FAIM2: variants seen among roughly 807,000 people sequenced by gnomAD.
FAIM2 encodes Fas apoptotic inhibitory molecule 2, also known as protein lifeguard 2.
A neutral mutation model predicts 47.4 loss-of-function variants in FAIM2; 27 were observed. That is an observed-to-expected ratio of 0.57 (90% CI 0.42 to 0.78). The LOEUF (loss-of-function observed/expected upper bound fraction) is 0.78, where lower values mean the gene tolerates loss of function less well. Among genes scored for constraint, FAIM2 ranks in the 30% least tolerant of loss-of-function variants. The pLI is 0.00. For missense variants in FAIM2, 311 were observed against 389.4 expected, an observed-to-expected ratio of 0.80 and a Z score of 1.69; for synonymous variants, 156 against 159.3, an observed-to-expected ratio of 0.98 and a Z score of 0.16.
rs773690088 is a variant in FAIM2, at chr12:49,891,075, A to G, written c.474T>C (p.Cys158=). 1.2e-6 allele frequency: 2 copies of G among 1,614,162 alleles called. No individual in the cohort carries two copies. Among genetic ancestry groups the G allele is most frequent in the African/African-American group, 1.3e-5 (1 of 75,036 alleles). ...FFATYLTLAC[C]SGPRRHFPWN... ...AGCCATTAGCATACCTGGGTCCAGAACAGCAAGCCAGGGTCAGGTAGGTTG... is the reference window on the plus strand; with the variant it reads ...AGCCATTAGCATACCTGGGTCCAGAGCAGCAAGCCAGGGTCAGGTAGGTTG... Residue 158 remains cysteine, a synonymous_variant, in exon 6 of 12, where the codon TGT becomes TGC. Transcript: ENST00000320634.
At position 49,876,542 on chromosome 12, in the gene FAIM2, T is replaced by C. The variant is rs577504372; in HGVS notation, c.802-5889A>G. Among the ~76,000 whole-genome samples the C allele has an allele frequency of 1.5e-4, 22 of 151,602 alleles. No individual in the cohort carries two copies. In the East Asian group the frequency reaches 4.1e-3, roughly 28 times the overall value. Reference sequence around the variant, plus strand: ...ACTTTGGGAGGCCGAGGCGGGCGGATCACCATGTCAGGAGATCGAGACCAT... The same window carrying C: ...ACTTTGGGAGGCCGAGGCGGGCGGACCACCATGTCAGGAGATCGAGACCAT... On this transcript the variant is annotated intron_variant, in intron 11 of 11. Coordinates refer to ENST00000320634, the MANE Select transcript of FAIM2 (RefSeq NM_012306.4).
intron 1 of FAIM2, among the ~76,000 whole-genome samples, chr12:49,903,521 G>A (rs1946995536): frequency 6.6e-6 from 1 of 152,236 alleles, no homozygotes; most frequent in Non-Finnish European, 1.5e-5. Flanking sequence ...TATCTGTGAG[G>A]AGCCTTGTAA....
At chr12:49,888,616 G>A (rs1454228135) in intron 10 of FAIM2, among the ~76,000 whole-genome samples, 5 of 152,152 alleles carry the variant, frequency 3.3e-5, no homozygotes, top group African/African-American at 7.2e-5. Flanking sequence ...AGACTTGGCC[G>A]CCAGCTGGTG....
intron 11 of FAIM2, among the ~76,000 whole-genome samples, chr12:49,878,814 ATG>A (rs1479519659): frequency 3.0e-5 from 2 of 66,032 alleles, no homozygotes; most frequent in Non-Finnish European, 5.1e-5. Context: ...GTGCATGTGA[ATG>A]TGTGTATATG....
chr12:49,893,168 A>G (rs939863041), intron 5 of FAIM2, among the ~76,000 whole-genome samples: 6 of 152,074 alleles, frequency 3.9e-5, no homozygotes, highest in African/African-American at 1.4e-4. Context: ...TCCCTGTATA[A>G]AATTCCCAAA....
intron 11 of FAIM2, among the ~76,000 whole-genome samples, chr12:49,879,541 AGTGTATGG>A (rs1946785890): frequency 8.5e-6 from 1 of 118,326 alleles, no homozygotes; most frequent in South Asian, 2.6e-4. Flanking sequence ...TATATATGTG[AGTGTATGG>A]GTGTATGTGC....
chr12:49,896,769 C>T (rs1393925760), intron 5 of FAIM2, among the ~76,000 whole-genome samples: 1 of 152,212 alleles, frequency 6.6e-6, no homozygotes, highest in Non-Finnish European at 1.5e-5. Context: ...TAGCCCTGGC[C>T]CGACCCTTCC....
intron 1 of FAIM2, 71 bp downstream of exon 1, chr12:49,903,707 G>A: frequency 6.5e-7 from 1 of 1,539,224 alleles, no homozygotes; most frequent in Non-Finnish European, 8.8e-7. Flanking sequence ...GGTCCAGAGG[G>A]CTTGCTGAGG....
At chr12:49,883,954 G>T (rs144802567) in intron 11 of FAIM2, among the ~76,000 whole-genome samples, 70 of 152,302 alleles carry the variant, frequency 4.6e-4, no homozygotes, top group African/African-American at 1.6e-3. Flanking sequence ...GGGCGCTATG[G>T]CTCATGCCTG....
Position 49,878,344 on chromosome 12 carries a change from ATG to A in FAIM2, c.802-7693_802-7692del, listed in dbSNP as rs1467793527. Among the ~76,000 whole-genome samples, 5 of 106,602 alleles carry A rather than the reference ATG, an allele frequency of 4.7e-5. 1 individual carries two copies. The highest frequency in any genetic ancestry group is 1.1e-4 in the African/African-American group (3 of 27,012). 69.9% of individuals were successfully genotyped at this position (106,602 alleles called of 152,430 possible). A position where few individuals can be genotyped will look rare whatever the true frequency, so the allele number is the denominator to read the frequency against. ...TGTGTATTTGTGTGCATGTGAGTGT[ATG>A]TGTGTGCATGTGTGTATATGTGGGC... On this transcript the variant is annotated intron_variant, in intron 11 of 11. Coordinates refer to ENST00000320634, the MANE Select transcript of FAIM2 (RefSeq NM_012306.4).
chr12:49,894,444 C>T (rs571220305), intron 5 of FAIM2, among the ~76,000 whole-genome samples: 2 of 152,016 alleles, frequency 1.3e-5, no homozygotes, highest in African/African-American at 2.4e-5. Flanking sequence ...TGGAGGGAGG[C>T]GATGAGGGCC....
chr12:49,887,008 G>A (rs572172531), intron 11 of FAIM2, among the ~76,000 whole-genome samples: 1 of 152,278 alleles, frequency 6.6e-6, no homozygotes, highest in East Asian at 1.9e-4. Context: ...GCTCCAAGAA[G>A]CCTTCCCTGA....
chr12:49,878,079 TGTGCATGTGA>T (rs1201349110), intron 11 of FAIM2, among the ~76,000 whole-genome samples: 64 of 143,492 alleles, frequency 4.5e-4, no homozygotes, highest in African/African-American at 1.4e-3. Context: ...TGTGTTTATG[TGTGCATGTGA>T]GTGCATGTGT....
At chr12:49,878,600 G>GTGTGCATGTGTATGTGTGCA (rs1555157977) in intron 11 of FAIM2, among the ~76,000 whole-genome samples, 32,584 of 123,930 alleles carry the variant, frequency 0.26, 8,972 homozygotes, top group African/African-American at 0.56. Context: ...GTATGTGTAT[G>GTGTGCATGTGTATGTGTGCA]TGTGCATGTG....
chr12:49,903,664 C>A, intron 1 of FAIM2, 114 bp downstream of exon 1: 2 of 1,399,470 alleles, frequency 1.4e-6, no homozygotes, highest in Middle Eastern at 2.0e-4. Context: ...CACGGAGGAC[C>A]TTCAAACTAG....
chr12:49,903,298 T>C (rs772932903), intron 1 of FAIM2, among the ~76,000 whole-genome samples: 1 of 152,144 alleles, frequency 6.6e-6, no homozygotes, highest in Non-Finnish European at 1.5e-5. Context: ...GACGCCCAGA[T>C]GTGGAACAAT....
At chr12:49,879,137 CAT>C (rs1462149116) in intron 11 of FAIM2, among the ~76,000 whole-genome samples, 4 of 119,868 alleles carry the variant, frequency 3.3e-5, no homozygotes, top group South Asian at 3.0e-4. Context: ...CATATCTCTG[CAT>C]GTTTGTGTAT....
intron 11 of FAIM2, among the ~76,000 whole-genome samples, chr12:49,885,484 C>A (rs1165616476): frequency 1.3e-5 from 2 of 152,234 alleles, no homozygotes; most frequent in Non-Finnish European, 2.9e-5. Flanking sequence ...CCTTTGAAAC[C>A]TTTCTTTAGG....
At chr12:49,896,405 G>A (rs1471233901) in intron 5 of FAIM2, among the ~76,000 whole-genome samples, 1 of 152,196 alleles carries the variant, frequency 6.6e-6, no homozygotes, top group African/African-American at 2.4e-5. Context: ...GCTGCAGGGA[G>A]CCTGCCAAGT....
Sources: gnomAD v4.1 joint callset for allele counts (sites outside exome capture counted in the v4.1 genomes callset) on GRCh38, gnomAD v4.1.1 for gene constraint, MANE v1.5 for transcripts, NCBI Gene and HGNC (gene_info 2026-07-23, HGNC 2026-07-21) for gene names.